The following CDC42SE2 variants were observed in gnomAD, a reference collection of about 807,000 sequenced individuals.
CDC42SE2 encodes CDC42 small effector 2, also known as CDC42 small effector protein 2.
CDC42SE2 carries 3 observed loss-of-function variants against 11.5 expected under a neutral mutation model. The observed-to-expected ratio is 0.26, with a 90% CI of 0.12 to 0.67. CDC42SE2 has a LOEUF of 0.67. CDC42SE2 is among the 30% of genes least tolerant of loss of function. The pLI, the probability that CDC42SE2 is intolerant of heterozygous loss-of-function variation, is 0.80. For missense variants in CDC42SE2, 82 were observed against 106.8 expected (o/e 0.77, Z 1.02); for synonymous variants, 33 against 34.8 (o/e 0.95, Z 0.18).
intron 1 of CDC42SE2, among the ~76,000 whole-genome samples, chr5:131,248,576 G>A (rs1461366790): frequency 6.6e-6 from 1 of 152,166 alleles, no homozygotes; most frequent in Non-Finnish European, 1.5e-5. Context: ...TGGTTGATAT[G>A]ATTCTTTACC....
At chr5:131,232,053 G>C in the CDC42SE2 span, among the ~76,000 whole-genome samples, 1 of 151,862 alleles carries the variant, frequency 6.6e-6, no homozygotes, top group Non-Finnish European at 1.5e-5. Context: ...GCCTCCCAAA[G>C]TGCTGGGATT....
At chr5:131,380,158 T>TA (rs1380429326) in intron 3 of CDC42SE2, among the ~76,000 whole-genome samples, 2 of 152,144 alleles carry the variant, frequency 1.3e-5, no homozygotes, top group East Asian at 3.9e-4. Context: ...GGTGTTTGGT[T>TA]ACATGAGTAA....
chr5:131,292,005 A>T (rs780256938), intron 1 of CDC42SE2, among the ~76,000 whole-genome samples: 2 of 152,062 alleles, frequency 1.3e-5, no homozygotes, highest in Non-Finnish European at 2.9e-5. Context: ...GCACATTGGG[A>T]GGCAGAGGTG....
upstream of CDC42SE2, among the ~76,000 whole-genome samples, chr5:131,262,801 T>G (rs1392841394): frequency 6.6e-6 from 1 of 151,790 alleles, no homozygotes; most frequent in Non-Finnish European, 1.5e-5. Flanking sequence ...AATTGTTGTG[T>G]TTTTTTTCCC....
intron 2 of CDC42SE2, among the ~76,000 whole-genome samples, chr5:131,324,987 C>T (rs1045069710): frequency 1.3e-5 from 2 of 151,998 alleles, no homozygotes; most frequent in South Asian, 4.2e-4. Context: ...CTTTAGATGC[C>T]CTTAAATAAT....
At chr5:131,269,536 AGGTGGGTGG>A (rs1193230780) in intron 1 of CDC42SE2, among the ~76,000 whole-genome samples, 2 of 152,090 alleles carry the variant, frequency 1.3e-5, no homozygotes, top group Non-Finnish European at 2.9e-5. Context: ...TGGGTGGCTG[AGGTGGGTGG>A]ATCACCTAAG....
At chr5:131,213,700 T>C in the CDC42SE2 span, among the ~76,000 whole-genome samples, 1 of 152,120 alleles carries the variant, frequency 6.6e-6, no homozygotes, top group African/African-American at 2.4e-5. Flanking sequence ...ATTCTCCCAC[T>C]TCAGCCTCCT....
the CDC42SE2 span, among the ~76,000 whole-genome samples, chr5:131,213,869 C>A: frequency 1.3e-5 from 2 of 152,088 alleles, no homozygotes; most frequent in Non-Finnish European, 2.9e-5. Context: ...TGATTTGGGC[C>A]TTTAGGGCTT....
intron 1 of CDC42SE2, among the ~76,000 whole-genome samples, chr5:131,292,559 CAA>C (rs58166806): frequency 0.59 from 69,905 of 117,874 alleles, 21,905 homozygotes; most frequent in Non-Finnish European, 0.74. Context: ...GACTCCATCT[CAA>C]AAAAAAAAAA....
chr5:131,341,717 T>TA (rs1758715687), intron 2 of CDC42SE2, among the ~76,000 whole-genome samples: 1 of 152,026 alleles, frequency 6.6e-6, no homozygotes, highest in African/African-American at 2.4e-5. Flanking sequence ...TATAGGTACA[T>TA]AAAAAAACTA....
chr5:131,390,922 G>T, intron 4 of CDC42SE2, 71 bp from the exon 5 acceptor site: 1 of 948,586 alleles, frequency 1.1e-6, no homozygotes, highest in Non-Finnish European at 1.6e-6. Context: ...TCTGGGAAAA[G>T]AATTACTTAG....
At chr5:131,307,839 G>T (rs954380252) in intron 1 of CDC42SE2, among the ~76,000 whole-genome samples, 3 of 152,142 alleles carry the variant, frequency 2.0e-5, no homozygotes, top group African/African-American at 7.2e-5. Context: ...ATTTTTTCAT[G>T]TGTCTTTTGG....
intron 2 of CDC42SE2, among the ~76,000 whole-genome samples, chr5:131,358,526 T>C (rs923011518): frequency 3.3e-5 from 5 of 152,224 alleles, no homozygotes; most frequent in African/African-American, 1.2e-4. Flanking sequence ...TTTGTCCAAC[T>C]GCAGATAGAA....
the CDC42SE2 span, among the ~76,000 whole-genome samples, chr5:131,221,917 G>A: frequency 6.6e-6 from 1 of 152,152 alleles, no homozygotes; most frequent in Non-Finnish European, 1.5e-5. Context: ...TTGGTATTGA[G>A]AAGAATATAG....
intron 1 of CDC42SE2, among the ~76,000 whole-genome samples, chr5:131,306,197 G>A (rs1383733801): frequency 1.3e-5 from 2 of 152,166 alleles, no homozygotes; most frequent in Non-Finnish European, 2.9e-5. Context: ...CCTTTGTCCA[G>A]CATATCCATG....
intron 2 of CDC42SE2, among the ~76,000 whole-genome samples, chr5:131,342,278 CAA>C (rs113170833): frequency 0.4 from 49,476 of 122,930 alleles, 11,076 homozygotes; most frequent in African/African-American, 0.68. Context: ...GACTCCTTCT[CAA>C]AAAAAAAAAA....
chr5:131,340,545 T>C (rs973609403), intron 2 of CDC42SE2, among the ~76,000 whole-genome samples: 3 of 152,204 alleles, frequency 2.0e-5, no homozygotes, highest in African/African-American at 7.2e-5. Flanking sequence ...ATTTCTGTTC[T>C]GTATTAGTAA....
the CDC42SE2 span, among the ~76,000 whole-genome samples, chr5:131,225,534 A>C: frequency 6.6e-6 from 1 of 152,248 alleles, no homozygotes; most frequent in Non-Finnish European, 1.5e-5. Flanking sequence ...TACAACACTG[A>C]TTGGGAAGAA....
intron 3 of CDC42SE2, 125 bp downstream of exon 3, chr5:131,359,672 GT>G: frequency 4.0e-6 from 3 of 750,020 alleles, no homozygotes; most frequent in Non-Finnish European, 7.2e-6. Context: ...ACAGAGAATA[GT>G]TCAGTGGAAC....
Sources: gnomAD v4.1 joint callset for allele counts (sites outside exome capture counted in the v4.1 genomes callset) on GRCh38, gnomAD v4.1.1 for gene constraint, MANE v1.5 for transcripts, NCBI Gene and HGNC (gene_info 2026-07-23, HGNC 2026-07-21) for gene names.